The following PATJ variants were observed in gnomAD, a reference collection of about 807,000 sequenced individuals.
The protein encoded by PATJ is PATJ crumbs cell polarity complex component, also known as inaD-like protein.
PATJ carries 190 observed loss-of-function variants against 224.9 expected under a neutral mutation model. That is an observed-to-expected ratio of 0.84 (90% CI 0.75 to 0.95). PATJ has a LOEUF of 0.95. Among genes scored for constraint, PATJ ranks in the 40% least tolerant of loss-of-function variants. The pLI is 0.00. For missense variants in PATJ, 2,121 were observed against 2,270.3 expected (o/e 0.93, Z 1.34); for synonymous variants, 769 against 820.3 (o/e 0.94, Z 1.07).
chr1:62,068,011 G>T (rs1254546853), intron 31 of PATJ, among the ~76,000 whole-genome samples: 1 of 152,136 alleles, frequency 6.6e-6, no homozygotes, highest in Non-Finnish European at 1.5e-5. Flanking sequence ...GTGTTCCCTA[G>T]GCCAGTCTCC....
chr1:62,084,644 C>G lies in PATJ; in HGVS notation c.4373C>G (p.Pro1458Arg), dbSNP rs1338501701. The change falls in exon 33 of 44, where the codon CCC becomes CGC. Residue 1458 changes from proline (P) to arginine (R), a missense_variant. Pro to Arg is a moderately radical substitution (Grantham distance 103, BLOSUM62 -2). Transcript: ENST00000642238. ...GLSIVGGKDT[P>R]LNAIVIHEVY... ...AGCATTGTGGGAGGAAAAGACACAC[C>G]CTTGGTAAGTTTCTAGAAATAAAAT... The G allele has an allele frequency of 2.8e-5, 45 of 1,611,788 alleles. No homozygotes were observed. Among genetic ancestry groups the G allele is most frequent in the Non-Finnish European group, 3.6e-5 (43 of 1,179,228 alleles).
At chr1:62,149,594 G>A (rs1158724324) in intron 42 of PATJ, among the ~76,000 whole-genome samples, 11 of 143,876 alleles carry the variant, frequency 7.6e-5, no homozygotes, top group Admixed American at 4.9e-4. Context: ...TTCAAATTAC[G>A]GTGGCCTTTT....
intron 41 of PATJ, among the ~76,000 whole-genome samples, chr1:62,136,283 C>G (rs372521064): frequency 6.6e-6 from 1 of 151,562 alleles, no homozygotes; most frequent in Non-Finnish European, 1.5e-5. Flanking sequence ...CCGCCCATCT[C>G]GGCCTCCCAA....
intron 26 of PATJ, among the ~76,000 whole-genome samples, chr1:61,915,241 C>T (rs994728689): frequency 1.3e-5 from 2 of 152,284 alleles, no homozygotes; most frequent in Admixed American, 6.5e-5. Context: ...GAATTACTGT[C>T]CCACTGTTTT....
chr1:61,965,175 G>C (rs1571546661), intron 27 of PATJ, among the ~76,000 whole-genome samples: 1 of 124,918 alleles, frequency 8.0e-6, no homozygotes, highest in South Asian at 2.8e-4. Context: ...GCCTTCATGT[G>C]TAGAGATTGA....
rs568236552 is a variant in PATJ, at chr1:61,991,506, A to G, written c.3867+1142A>G. ...GACTCTGACTCAGAATAGAATTTAC[A>G]GTCATCCATAATTTTACTTGCCTAA... On this transcript the variant is annotated intron_variant, in intron 28 of 43. Transcript: ENST00000642238. 1.1e-5 allele frequency: 11 copies of G among 985,420 alleles called. No individual in the cohort carries two copies. The African/African-American group carries it at 1.9e-4, about 17-fold the overall frequency. The allele number at this position is 985,420 out of a possible 1,614,324, so 61.0% of individuals were successfully genotyped here. A position where few individuals can be genotyped will look rare whatever the true frequency, so the allele number is the denominator to read the frequency against.
At chr1:61,761,939 C>G (rs552326323) in intron 1 of PATJ, among the ~76,000 whole-genome samples, 1 of 152,056 alleles carries the variant, frequency 6.6e-6, no homozygotes, top group Non-Finnish European at 1.5e-5. Flanking sequence ...CCTCCTGCCT[C>G]GGCCTCCCAA....
intron 41 of PATJ, among the ~76,000 whole-genome samples, chr1:62,138,852 C>G (rs1179920194): frequency 1.3e-5 from 2 of 152,230 alleles, no homozygotes; most frequent in African/African-American, 4.8e-5. Context: ...GTTACAGATA[C>G]TTTAATGCCT....
chr1:61,805,583 CAGTACGATCCAAA>C, intron 13 of PATJ, 59 bp downstream of exon 13: 1 of 1,026,042 alleles, frequency 9.7e-7, no homozygotes, highest in Admixed American at 1.9e-5. Context: ...AAGTTTCTAA[CAGTACGATCCAAA>C]GAAATGGGTG....
chr1:62,108,882 A>G (rs778944044), intron 34 of PATJ, among the ~76,000 whole-genome samples: 1 of 152,184 alleles, frequency 6.6e-6, no homozygotes, highest in Admixed American at 6.5e-5. Context: ...ATACACATAT[A>G]TACCTGATAT....
chr1:62,068,395 A>G (rs192323434), intron 31 of PATJ, among the ~76,000 whole-genome samples: 23 of 152,298 alleles, frequency 1.5e-4, no homozygotes, highest in Admixed American at 4.6e-4. Flanking sequence ...AGGTGGTTGG[A>G]ACCAGAGGCC....
chr1:61,827,048 T>C, intron 15 of PATJ, among the ~76,000 whole-genome samples: 1 of 152,138 alleles, frequency 6.6e-6, no homozygotes, highest in East Asian at 1.9e-4. Context: ...TAAATGATAC[T>C]TAGTGTGTTT....
At chr1:61,747,725 A>G (rs147739598) in intron 1 of PATJ, among the ~76,000 whole-genome samples, 8 of 152,294 alleles carry the variant, frequency 5.3e-5, no homozygotes, top group African/African-American at 1.9e-4. Flanking sequence ...CGGTGGAGGA[A>G]GAAAAAACAA....
intron 27 of PATJ, among the ~76,000 whole-genome samples, chr1:61,951,345 T>C (rs1185262868): frequency 6.6e-6 from 1 of 152,206 alleles, no homozygotes; most frequent in East Asian, 1.9e-4. Flanking sequence ...AATTAAAAAT[T>C]GTATTGTTTA....
intron 28 of PATJ, among the ~76,000 whole-genome samples, chr1:62,002,442 C>T (rs1645832910): frequency 6.6e-6 from 1 of 152,152 alleles, no homozygotes; most frequent in African/African-American, 2.4e-5. Flanking sequence ...CGCAGTGGCT[C>T]ACACCTGTAA....
chr1:61,779,508 A>G (rs1647127278), intron 7 of PATJ, among the ~76,000 whole-genome samples: 1 of 152,204 alleles, frequency 6.6e-6, no homozygotes, highest in Admixed American at 6.5e-5. Flanking sequence ...TGCTAATCAC[A>G]TTTACAAAAT....
At chr1:62,160,824 C>A (rs1229484019) in intron 43 of PATJ, 84 bp from the exon 44 acceptor site, 23 of 1,433,016 alleles carry the variant, frequency 1.6e-5, no homozygotes, top group Non-Finnish European at 2.1e-5. Flanking sequence ...ATATGCACAC[C>A]AGACAGATGT....
chr1:61,962,894 G>T (rs900013731), intron 27 of PATJ, among the ~76,000 whole-genome samples: 1 of 152,128 alleles, frequency 6.6e-6, no homozygotes, highest in Non-Finnish European at 1.5e-5. Flanking sequence ...CAGCCCAGCC[G>T]CCAGAAAGGA....
At chr1:62,132,915 A>T (rs1286056046) in intron 41 of PATJ, among the ~76,000 whole-genome samples, 1 of 152,196 alleles carries the variant, frequency 6.6e-6, no homozygotes, top group African/African-American at 2.4e-5. Context: ...ATTAAAAAAA[A>T]AAAATTACAT....
Sources: gnomAD v4.1 joint callset for allele counts (sites outside exome capture counted in the v4.1 genomes callset) on GRCh38, gnomAD v4.1.1 for gene constraint, MANE v1.5 for transcripts, NCBI Gene and HGNC (gene_info 2026-07-23, HGNC 2026-07-21) for gene names.